The following ANGPT2 variants were observed in gnomAD, a reference collection of about 807,000 sequenced individuals.
ANGPT2 encodes the protein angiopoietin-2.
In ANGPT2, 28 loss-of-function variants were observed where a neutral mutation model predicts 62.9. That is an observed-to-expected ratio of 0.44 (90% CI 0.33 to 0.61). The LOEUF (loss-of-function observed/expected upper bound fraction) is 0.61, where lower values mean the gene tolerates loss of function less well. ANGPT2 is among the 20% of genes least tolerant of loss of function. The probability of loss-of-function intolerance (pLI) is 0.03; values close to 1 mark genes in which losing one functional copy is unlikely to be tolerated. For missense variants in ANGPT2, 727 were observed against 594.9 expected (o/e 1.22, Z -2.31); for synonymous variants, 284 against 207.8 (o/e 1.37, Z -3.15).
intron 5 of ANGPT2, 24 bp downstream of exon 5, chr8:6,519,840 A>C (rs1303369623): frequency 6.2e-7 from 1 of 1,611,880 alleles, no homozygotes; most frequent in Non-Finnish European, 8.5e-7. Context: ...CCAGGGAGTT[A>C]GTAAGGGGAG....
chr8:6,503,591 G>C (rs1471952876), intron 8 of ANGPT2, among the ~76,000 whole-genome samples: 1 of 152,170 alleles, frequency 6.6e-6, no homozygotes, highest in African/African-American at 2.4e-5. Flanking sequence ...AACATCTGAG[G>C]CACAGTTGGA....
chr8:6,502,019 A>T lies in ANGPT2; in HGVS notation c.*1082T>A, dbSNP rs903719937. 2 of 151,548 alleles carry T rather than the reference A, an allele frequency of 1.3e-5. No homozygotes were observed. The highest frequency in any genetic ancestry group is 1.3e-4 in the Admixed American group (2 of 15,196). 9.4% of individuals were successfully genotyped at this position (151,548 alleles called of 1,614,324 possible). On this transcript the variant is annotated 3_prime_UTR_variant, in exon 9 of 9. Coordinates refer to ENST00000629816, the MANE Select transcript of ANGPT2 (RefSeq NM_001118887.2). ...TAAGTAAATTTAAGGGTGAATCTTG[A>T]GACATATAGCTTTGTAAATTTCTTA...
At chr8:6,555,186 G>C (rs1824373069) in intron 1 of ANGPT2, among the ~76,000 whole-genome samples, 1 of 151,944 alleles carries the variant, frequency 6.6e-6, no homozygotes, top group Non-Finnish European at 1.5e-5. Context: ...CATAATCCAA[G>C]TGCCAGGCCA....
chr8:6,503,323 C>T (rs1437929831), intron 8 of ANGPT2, 62 bp from the exon 9 acceptor site: 6 of 1,567,694 alleles, frequency 3.8e-6, no homozygotes, highest in African/African-American at 2.7e-5. Context: ...ACCACGAAGA[C>T]AGCAATACTC....
chr8:6,506,680 A>C (rs1324777454), intron 8 of ANGPT2, among the ~76,000 whole-genome samples: 7 of 152,128 alleles, frequency 4.6e-5, no homozygotes, highest in Non-Finnish European at 1.0e-4. Flanking sequence ...TTGCAAAATC[A>C]ATAGGAGGGC....
At chr8:6,523,044 C>T (rs1817661379) in intron 3 of ANGPT2, among the ~76,000 whole-genome samples, 1 of 151,820 alleles carries the variant, frequency 6.6e-6, no homozygotes, top group Non-Finnish European at 1.5e-5. Context: ...GTCACCCAGA[C>T]TGGAGTGCAA....
rs2129567610 is a variant in ANGPT2 at position 6,513,803 on chromosome 8, C to A, written c.1071G>T (p.Glu357Asp). 1.2e-6 allele frequency: 2 copies of A among 1,613,842 alleles called. No homozygotes were observed. Among genetic ancestry groups the A allele is most frequent in the African/African-American group, 1.3e-5 (1 of 75,030 alleles). The change falls in exon 7 of 9, where the codon GAG becomes GAT. Residue 357 changes from glutamate to aspartate, a missense_variant. Transcript: ENST00000629816. ...GCTGATTAGTCAGTTGCGAAACAAA[C>A]TCATTTCCCAGCCAATATTCTCCTG... ...NPSGEYWLGN[E>D]FVSQLTNQQR...
chr8:6,533,553 A>G (rs1819927802), intron 1 of ANGPT2, among the ~76,000 whole-genome samples: 1 of 140,522 alleles, frequency 7.1e-6, no homozygotes, highest in African/African-American at 2.6e-5. Context: ...AACTCCAGAT[A>G]CTTAGCGTTT....
rs552658218 is a variant in ANGPT2 at position 6,560,095 on chromosome 8, A to G, written c.288+2552T>C. On this transcript the variant is annotated intron_variant, in intron 1 of 8. Transcript: ENST00000629816. ...TTATTTGCCCTAAAATGAACCAGAA[A>G]CTTGGTCTTAGTTTCCTTCCTGACA... is the stretch of plus-strand genomic sequence containing the variant. Among the ~76,000 whole-genome samples, 8 of 152,304 alleles carry G rather than the reference A, an allele frequency of 5.3e-5. No individual in the cohort carries two copies. In the East Asian group the frequency reaches 1.5e-3, roughly 29 times the overall value.
rs993831654 is a variant in ANGPT2, at chr8:6,509,141, A to T, written c.1197-79T>A. On this transcript the variant is annotated intron_variant, in intron 7 of 8. Coordinates refer to ENST00000629816, the MANE Select transcript of ANGPT2 (RefSeq NM_001118887.2). ...AGTGGCAAATTTTTTGTGATGAAGA[A>T]TTCCATTCTACAGAAGCGTGTTCTG... 20 of 1,541,560 alleles carry T rather than the reference A, an allele frequency of 1.3e-5. 1 individual carries two copies. The African/African-American group carries it at 2.5e-4, about 19-fold the overall frequency.
intron 2 of ANGPT2, among the ~76,000 whole-genome samples, chr8:6,529,355 C>G (rs1300277869): frequency 1.3e-5 from 2 of 152,102 alleles, no homozygotes; most frequent in African/African-American, 2.4e-5. Context: ...GAATTTAAGT[C>G]TGTTTCACAA....
Position 6,522,429 on chromosome 8 carries a change from A to T in ANGPT2, c.567-1019T>A, listed in dbSNP as rs149502031. Among the ~76,000 whole-genome samples the T allele has an allele frequency of 1.4e-3, 208 of 152,182 alleles. 5 individuals are homozygous for T. The highest frequency in any genetic ancestry group is 4.8e-3 in the African/African-American group (199 of 41,514). ...ATTAACAGTCAATGAATGTTTGTTA[A>T]CGTTAATATAGACATTATTATTCCC... On this transcript the variant is annotated intron_variant, in intron 3 of 8. Coordinates refer to ENST00000629816, the MANE Select transcript of ANGPT2 (RefSeq NM_001118887.2).
intron 1 of ANGPT2, among the ~76,000 whole-genome samples, chr8:6,549,201 A>G (rs1823147294): frequency 6.6e-6 from 1 of 152,240 alleles, no homozygotes; most frequent in South Asian, 2.1e-4. Context: ...GACTTCCATA[A>G]AAGAACACAA....
chr8:6,551,924 T>C, intron 1 of ANGPT2, among the ~76,000 whole-genome samples: 1 of 152,358 alleles, frequency 6.6e-6, no homozygotes, highest in Non-Finnish European at 1.5e-5. Flanking sequence ...AATAATTTTT[T>C]GAGATTCCAA....
intron 1 of ANGPT2, among the ~76,000 whole-genome samples, chr8:6,548,928 T>TCA (rs1823084735): frequency 6.6e-6 from 1 of 152,254 alleles, no homozygotes; most frequent in South Asian, 2.1e-4. Context: ...ACCTCCTTGT[T>TCA]AACCTCTGGT....
chr8:6,561,033 C>A (rs2922816), intron 1 of ANGPT2, among the ~76,000 whole-genome samples: 14,222 of 152,216 alleles, frequency 0.093, 1,768 homozygotes, highest in African/African-American at 0.28. Flanking sequence ...AAGCCATTAA[C>A]CATCAGCTTG....
intron 3 of ANGPT2, among the ~76,000 whole-genome samples, chr8:6,522,591 T>C (rs7813127): frequency 0.17 from 26,224 of 151,632 alleles, 3,066 homozygotes; most frequent in African/African-American, 0.34. Flanking sequence ...CTGGCCAACA[T>C]GGTGAAACCC....
chr8:6,559,547 C>CTA (rs67706592), intron 1 of ANGPT2, among the ~76,000 whole-genome samples: 19,482 of 152,040 alleles, frequency 0.13, 1,324 homozygotes, highest in South Asian at 0.18. Context: ...TGTTTGCCTC[C>CTA]GTAGTAGGCA....
At chr8:6,527,755 C>A in intron 2 of ANGPT2, 79 bp from the exon 3 acceptor site, 1 of 1,288,858 alleles carries the variant, frequency 7.8e-7, no homozygotes, top group Non-Finnish European at 1.1e-6. Context: ...ATTAAAGTAC[C>A]CAAGCTACAG....
Sources: allele counts gnomAD v4.1 joint callset (sites outside exome capture counted in the v4.1 genomes callset), GRCh38; gene constraint gnomAD v4.1.1; transcripts MANE v1.5; gene names NCBI Gene and HGNC (gene_info 2026-07-23, HGNC 2026-07-21).